The following SLC13A5 variants were observed in gnomAD, a reference collection of about 807,000 sequenced individuals.
The protein encoded by SLC13A5 is Na(+)/citrate cotransporter.
Under a neutral mutation model 56.5 loss-of-function variants are expected in SLC13A5, and 25 were observed. That is an observed-to-expected ratio of 0.44 (90% CI 0.32 to 0.62). SLC13A5 has a LOEUF of 0.62. Ranked by LOEUF, SLC13A5 falls within the 20% of genes least tolerant of loss-of-function variation. The probability of loss-of-function intolerance (pLI) is 0.04; values close to 1 mark genes in which losing one functional copy is unlikely to be tolerated. For synonymous variants in SLC13A5, 307 were observed against 301.5 expected (o/e 1.02, Z -0.19); for missense variants, 649 against 737.8 (o/e 0.88, Z 1.39).
chr17:6,698,583 G>A (rs1973621351), intron 6 of SLC13A5, among the ~76,000 whole-genome samples: 2 of 152,196 alleles, frequency 1.3e-5, no homozygotes, highest in Admixed American at 1.3e-4. Context: ...CATGCAGTGG[G>A]AGCCAAAGGG....
At chr17:6,710,674 G>A (rs1014806758) in intron 1 of SLC13A5, among the ~76,000 whole-genome samples, 1 of 152,096 alleles carries the variant, frequency 6.6e-6, no homozygotes, top group Non-Finnish European at 1.5e-5. Context: ...GAGAGGGCAG[G>A]ATGGGAAGCG....
chr17:6,686,489 T>G, intron 11 of SLC13A5, 151 bp from the exon 12 acceptor site: 1 of 884,996 alleles, frequency 1.1e-6, no homozygotes. Context: ...CAGTGCGACT[T>G]CATGTCCCCC....
rs373831482 is a variant in SLC13A5, at chr17:6,703,023, G to A, written c.663C>T (p.Thr221=). The A allele has an allele frequency of 2.4e-5, 38 of 1,614,108 alleles. No homozygotes were observed. Among genetic ancestry groups the A allele is most frequent in the African/African-American group, 1.5e-4 (11 of 74,958 alleles). Residue 221 remains threonine, a synonymous_variant, in exon 5 of 12, where the codon ACC becomes ACT. Transcript: ENST00000433363. ...TGGGTCCCGTCCCGGTCAGGGTGGC[G>A]GTGCCCCCGATGCTGGCCGCGTAGC... ...CICYAASIGG[T]ATLTGTGPNV...
Position 6,686,153 on chromosome 17 carries a change from G to A in SLC13A5, c.*54C>T, listed in dbSNP as rs1434178178. The A allele has an allele frequency of 1.9e-6, 3 of 1,610,628 alleles. No individual in the cohort carries two copies. The highest frequency in any genetic ancestry group is 2.5e-6 in the Non-Finnish European group (3 of 1,177,738). ...AAACTCTGTACAAGGTGTGCCAGAA[G>A]GTTCGGTAGTCCTGAGGAGGGTAAG... On this transcript the variant is annotated 3_prime_UTR_variant, in exon 12 of 12. Transcript: ENST00000433363.
chr17:6,699,285 G>T (rs1973647267), intron 6 of SLC13A5, among the ~76,000 whole-genome samples: 1 of 151,950 alleles, frequency 6.6e-6, no homozygotes, highest in Admixed American at 6.6e-5. Context: ...CAGGACTTTG[G>T]CCCTGGTGCA....
intron 6 of SLC13A5, among the ~76,000 whole-genome samples, chr17:6,697,211 C>A (rs996185911): frequency 6.6e-6 from 1 of 152,174 alleles, no homozygotes; most frequent in Admixed American, 6.5e-5. Context: ...CCAAGCACCT[C>A]TCTGCTGCCA....
chr17:6,688,174 G>A (rs1385038726), intron 10 of SLC13A5: 2 of 152,378 alleles, frequency 1.3e-5, no homozygotes, highest in Non-Finnish European at 2.9e-5. Context: ...CAGAGAGTAG[G>A]CACTCATTAA....
In SLC13A5 at chr17:6,703,909, C is replaced by A; in HGVS notation, c.516G>T (p.Leu172=). Residue 172 remains leucine, a synonymous_variant, in exon 4 of 12, where the codon CTG becomes CTT. Coordinates refer to ENST00000433363, the MANE Select transcript of SLC13A5 (RefSeq NM_177550.5). ...GCTCCTTGGCCTTGCCCTTGTCCACCAGCTCCAGGCCGGCCTCGGTGGCTG... is the reference window on the plus strand; with the variant it reads ...GCTCCTTGGCCTTGCCCTTGTCCACAAGCTCCAGGCCGGCCTCGGTGGCTG... The part of the protein sequence containing the change: ...TSAATEAGLE[L]VDKGKAKELP... The A allele has an allele frequency of 6.3e-7, 1 of 1,575,456 alleles. No homozygotes were observed. The highest frequency in any genetic ancestry group is 1.2e-5 in the South Asian group (1 of 85,560).
intron 6 of SLC13A5, among the ~76,000 whole-genome samples, chr17:6,699,881 C>T (rs1156298859): frequency 6.6e-6 from 1 of 152,246 alleles, no homozygotes; most frequent in Non-Finnish European, 1.5e-5. Flanking sequence ...GTTGGGATTA[C>T]AGGTGTGAGC....
intron 3 of SLC13A5, chr17:6,705,146 A>C (rs1055539584): frequency 6.6e-6 from 1 of 151,646 alleles, no homozygotes; most frequent in African/African-American, 2.4e-5. Flanking sequence ...TGCTGTCCAC[A>C]CAGGCAGACA....
At chr17:6,691,528 A>T (rs1973405506) in intron 9 of SLC13A5, among the ~76,000 whole-genome samples, 1 of 152,212 alleles carries the variant, frequency 6.6e-6, no homozygotes, top group Non-Finnish European at 1.5e-5. Context: ...GTGTAAAAAG[A>T]GGAGAGGCCA....
In SLC13A5 at chr17:6,687,719, G is replaced by T; in HGVS notation, c.1438-53C>A. 6.7e-7 allele frequency: 1 copy of T among 1,501,394 alleles called. No individual in the cohort carries two copies. The allele number at this position is 1,501,394 out of a possible 1,614,324, so 93.0% of individuals were successfully genotyped here. ...CCGTACAGAACACAGAAGCTCTTGG[G>T]GACGTGATTCTGAAAAGGATTCTCT... On this transcript the variant is annotated intron_variant, in intron 10 of 11. Coordinates refer to ENST00000433363, the MANE Select transcript of SLC13A5 (RefSeq NM_177550.5). This position sits in a 1 kb window ranked among gnomAD's most constrained non-coding sequence, Gnocchi z 5.0.
intron 3 of SLC13A5, 60 bp from the exon 4 acceptor site, chr17:6,704,116 G>C: frequency 6.5e-7 from 1 of 1,547,944 alleles, no homozygotes; most frequent in Non-Finnish European, 8.7e-7. Context: ...CGTACTCCCT[G>C]GGAAGCAACT....
At chr17:6,709,601 C>T (rs1219713216) in intron 1 of SLC13A5, among the ~76,000 whole-genome samples, 2 of 152,120 alleles carry the variant, frequency 1.3e-5, no homozygotes, top group South Asian at 2.1e-4. Context: ...GAATCAATAG[C>T]ATTCATCTGA....
At position 6,711,144 on chromosome 17, in the gene SLC13A5, C is replaced by A. The variant is rs1974011048; in HGVS notation, c.102+2088G>T. Among the ~76,000 whole-genome samples, 1 of 152,086 alleles carries A rather than the reference C, an allele frequency of 6.6e-6. No homozygotes were observed. The highest frequency in any genetic ancestry group is 6.6e-5 in the Admixed American group (1 of 15,266). On this transcript the variant is annotated intron_variant, in intron 1 of 11. Coordinates refer to ENST00000433363, the MANE Select transcript of SLC13A5 (RefSeq NM_177550.5). This position sits in a 1 kb window ranked among gnomAD's most constrained non-coding sequence, Gnocchi z 4.0. The stretch of plus-strand genomic sequence containing the variant: ...CCTGGCAAGGACTGTGTTGCTCAGG[C>A]TGCCAAGGTCCTCCCAGCTTCTCAC...
chr17:6,702,331 G>A (rs1030448865), intron 5 of SLC13A5, among the ~76,000 whole-genome samples: 2 of 152,166 alleles, frequency 1.3e-5, no homozygotes, highest in Non-Finnish European at 2.9e-5. Context: ...CAGGGCCCAG[G>A]TTTCTCTCCC....
At chr17:6,706,592 C>A in intron 3 of SLC13A5, 50 bp downstream of exon 3, 1 of 1,597,536 alleles carries the variant, frequency 6.3e-7, no homozygotes, top group Non-Finnish European at 8.5e-7. Flanking sequence ...CCCCTTCCAG[C>A]CCTGGGGCTC....
rs762754412 is a variant in SLC13A5 at position 6,687,537 on chromosome 17, CA to C, written c.1566del (p.Ala523LeufsTer4). 6.2e-7 allele frequency: 1 copy of C among 1,613,604 alleles called. No individual in the cohort carries two copies. The highest frequency in any genetic ancestry group is 8.5e-7 in the Non-Finnish European group (1 of 1,179,862). On this transcript the variant is annotated frameshift_variant, in exon 11 of 12. Transcript: ENST00000433363. LOFTEE classifies it high-confidence loss of function. This position sits in a 1 kb window ranked among gnomAD's most constrained non-coding sequence, Gnocchi z 5.0. ...AIVFTYGHLK[V>X]ADMVKTGVIM... ...AAAAACAGCTGTGTTACCATGTCAG[CA>C]ACCTTGAGGTGCCCATAGGTGAACA...
intron 1 of SLC13A5, among the ~76,000 whole-genome samples, chr17:6,710,229 C>A (rs755057902): frequency 1.3e-5 from 2 of 152,170 alleles, no homozygotes; most frequent in African/African-American, 4.8e-5. Flanking sequence ...AATGAGAGGG[C>A]GCATTGGAGA....
Sources: gnomAD v4.1 joint callset for allele counts (sites outside exome capture counted in the v4.1 genomes callset) on GRCh38, gnomAD v4.1.1 for gene constraint, Gnocchi (gnomAD v3.1) non-coding constraint, MANE v1.5 for transcripts, NCBI Gene and HGNC (gene_info 2026-07-23, HGNC 2026-07-21) for gene names.